TPR: variants seen among roughly 807,000 people sequenced by gnomAD.
TPR encodes translocated promoter region, nuclear basket protein.
A neutral mutation model predicts 316.1 loss-of-function variants in TPR; 51 were observed. The ratio of observed to expected loss-of-function variants is 0.16; its 90% CI spans 0.13 to 0.20. The LOEUF (loss-of-function observed/expected upper bound fraction) is 0.20, where lower values mean the gene tolerates loss of function less well. Ranked by LOEUF, TPR falls within the 10% of genes least tolerant of loss-of-function variation. The pLI is 1.00. For missense variants in TPR, 2,272 were observed against 2,754.8 expected, an observed-to-expected ratio of 0.82 and a Z score of 3.92; for synonymous variants, 981 against 914.7, an observed-to-expected ratio of 1.07 and a Z score of -1.31.
chr1:186,369,653 G>A (rs1488450559), intron 3 of TPR, among the ~76,000 whole-genome samples: 1 of 151,890 alleles, frequency 6.6e-6, no homozygotes, highest in African/African-American at 2.4e-5. Flanking sequence ...AATCTTTCAG[G>A]TTTTCTACAT....
chr1:186,336,436 T>C (rs1291246169), intron 33 of TPR, 60 bp downstream of exon 33: 4 of 1,513,912 alleles, frequency 2.6e-6, no homozygotes, highest in African/African-American at 2.7e-5. Context: ...CATTTAGTTT[T>C]AGGCCTGCAA....
chr1:186,359,779 AT>A lies in TPR; in HGVS notation c.1389+19del. 2 of 1,570,572 alleles carry A rather than the reference AT, an allele frequency of 1.3e-6. No individual in the cohort carries two copies. Among genetic ancestry groups the A allele is most frequent in the Non-Finnish European group, 1.7e-6 (2 of 1,167,956 alleles). On this transcript the variant is annotated intron_variant, in intron 12 of 50. Transcript: ENST00000367478. ...TCATTTGTATTGTTACCACGGCTAA[AT>A]TTTAGGAATGGAACCAACCTTCATA...
Position 186,355,667 on chromosome 1 carries a change from C to T in TPR, c.1990G>A (p.Glu664Lys), listed in dbSNP as rs979384899. Residue 664 changes from glutamate to lysine, a missense_variant, in exon 16 of 51, where the codon GAG becomes AAG. Transcript: ENST00000367478. ...AGGGCAGCCTTAGCCTCTATAGCCT[C>T]TGTTGATTCAATAACAGGTACTGGA... ...PAPVPVIESTEAIEAKAALKQ... is the reference protein window; with the variant it reads ...PAPVPVIESTKAIEAKAALKQ... 1.9e-6 allele frequency: 3 copies of T among 1,613,994 alleles called. No individual in the cohort carries two copies. Among genetic ancestry groups the T allele is most frequent in the Non-Finnish European group, 2.5e-6 (3 of 1,180,020 alleles).
intron 38 of TPR, 146 bp from the exon 39 acceptor site, chr1:186,331,727 TATA>T (rs1274462289): frequency 4.5e-6 from 2 of 441,966 alleles, no homozygotes; most frequent in African/African-American, 4.1e-5. Context: ...ATTTAAAAAT[TATA>T]ATCACATTCC....
Position 186,311,949 on chromosome 1 carries a change from T to G in TPR, c.*2022A>C. On this transcript the variant is annotated 3_prime_UTR_variant, in exon 51 of 51. Transcript: ENST00000367478. ...AGCACTTGTCACTTTCAATTGAAATTAAATATATAACTATGTAATTTGCTG... is the reference window on the plus strand; with the variant it reads ...AGCACTTGTCACTTTCAATTGAAATGAAATATATAACTATGTAATTTGCTG... 1 of 550,504 alleles carries G rather than the reference T, an allele frequency of 1.8e-6. No individual in the cohort carries two copies. Among genetic ancestry groups the G allele is most frequent in the East Asian group, 3.1e-5 (1 of 32,266 alleles). 34.1% of individuals were successfully genotyped at this position (550,504 alleles called of 1,614,324 possible).
chr1:186,323,672 A>T lies in TPR; in HGVS notation c.6297+14T>A, dbSNP rs916983384. The T allele has an allele frequency of 6.8e-7, 1 of 1,461,388 alleles. No individual in the cohort carries two copies. Among genetic ancestry groups the T allele is most frequent in the African/African-American group, 1.5e-5 (1 of 67,176 alleles). The allele number at this position is 1,461,388 out of a possible 1,614,324, so 90.5% of individuals were successfully genotyped here. On this transcript the variant is annotated intron_variant, in intron 43 of 50. Coordinates refer to ENST00000367478, the MANE Select transcript of TPR (RefSeq NM_003292.3). ...TTCAAGTTCATTTTTCATAATGACCAGTACTTTTAATACCTGAACTGGTGG... is the reference window on the plus strand; with the variant it reads ...TTCAAGTTCATTTTTCATAATGACCTGTACTTTTAATACCTGAACTGGTGG...
chr1:186,319,799 T>C (rs1657723167), intron 46 of TPR, among the ~76,000 whole-genome samples: 1 of 152,222 alleles, frequency 6.6e-6, no homozygotes, highest in Non-Finnish European at 1.5e-5. Context: ...ATAATTCACA[T>C]GTGGAAAACT....
At chr1:186,371,812 T>C (rs1004451381) in intron 2 of TPR, among the ~76,000 whole-genome samples, 8 of 152,190 alleles carry the variant, frequency 5.3e-5, no homozygotes, top group African/African-American at 1.9e-4. Flanking sequence ...GTTTTAATAT[T>C]ATTTACTGCT....
chr1:186,322,601 A>G lies in TPR; in HGVS notation c.6298-15T>C. On this transcript the variant is annotated splice_polypyrimidine_tract_variant and intron_variant, in intron 43 of 50. Transcript: ENST00000367478. ...ATCTGAATTCTCTGCGTGTCAAGAT[A>G]AAGGAATTACATTTGCTTTAAGAAA... 1.2e-6 allele frequency: 2 copies of G among 1,613,816 alleles called. No homozygotes were observed. Among genetic ancestry groups the G allele is most frequent in the East Asian group, 4.5e-5 (2 of 44,872 alleles).
At chr1:186,360,927 C>G (rs766307441) in intron 9 of TPR, 22 bp from the exon 10 acceptor site, 31 of 1,602,060 alleles carry the variant, frequency 1.9e-5, no homozygotes, top group Non-Finnish European at 2.6e-5. Flanking sequence ...TTTTAAAGAC[C>G]AAATATTCAA....
intron 30 of TPR, among the ~76,000 whole-genome samples, chr1:186,338,951 A>G (rs565662745): frequency 6.6e-6 from 1 of 152,320 alleles, no homozygotes; most frequent in Non-Finnish European, 1.5e-5. Flanking sequence ...TATAAAGAGA[A>G]TGTACGTATA....
At chr1:186,331,603 T>TG in intron 38 of TPR, 22 bp from the exon 39 acceptor site, 2 of 1,545,932 alleles carry the variant, frequency 1.3e-6, no homozygotes, top group Non-Finnish European at 1.8e-6. Flanking sequence ...TACACTAATA[T>TG]ATTAACCATA....
chr1:186,345,741 T>C, intron 23 of TPR, 45 bp from the exon 24 acceptor site: 1 of 1,389,734 alleles, frequency 7.2e-7, no homozygotes, highest in Non-Finnish European at 1.0e-6. Context: ...ATTGCAAACT[T>C]ACTTGGAAAA....
At chr1:186,318,327 CA>C (rs112634226) in intron 48 of TPR, 119 bp downstream of exon 48, 9,797 of 976,848 alleles carry the variant, frequency 0.01, no homozygotes, top group South Asian at 0.014. Context: ...GACTCTGTCT[CA>C]AAAAAAAAAA....
Position 186,312,319 on chromosome 1 carries a change from C to T in TPR, c.*1652G>A, listed in dbSNP as rs753287939. ...GAACGTGCTATAGGACCTTCTCAAA[C>T]ACACACCATCAGAATTCAATATTCA... is the stretch of plus-strand genomic sequence containing the variant. On this transcript the variant is annotated 3_prime_UTR_variant, in exon 51 of 51. Transcript: ENST00000367478. The T allele has an allele frequency of 6.2e-7, 1 of 1,611,502 alleles. No individual in the cohort carries two copies. The highest frequency in any genetic ancestry group is 8.5e-7 in the Non-Finnish European group (1 of 1,179,048).
Position 186,344,611 on chromosome 1 carries a change from G to T in TPR, c.3214-33C>A, listed in dbSNP as rs1366343059. The T allele has an allele frequency of 3.5e-6, 5 of 1,436,966 alleles. No homozygotes were observed. The Admixed American group carries it at 1.0e-4, about 29-fold the overall frequency. 89.0% of individuals were successfully genotyped at this position (1,436,966 alleles called of 1,614,324 possible). ...AAATTATTACCCAATTGATACCAAAGATTAAAAATCCATAAAACTAGTTAG... is the reference window on the plus strand; with the variant it reads ...AAATTATTACCCAATTGATACCAAATATTAAAAATCCATAAAACTAGTTAG... On this transcript the variant is annotated intron_variant, in intron 24 of 50. Transcript: ENST00000367478.
At position 186,312,035 on chromosome 1, in the gene TPR, T is replaced by C. The variant is rs1657284559; in HGVS notation, c.*1936A>G. 1 of 664,790 alleles carries C rather than the reference T, an allele frequency of 1.5e-6. No individual in the cohort carries two copies. Among genetic ancestry groups the C allele is most frequent in the Non-Finnish European group, 2.6e-6 (1 of 390,236 alleles). 41.2% of individuals were successfully genotyped at this position (664,790 alleles called of 1,614,324 possible). A position where few individuals can be genotyped will look rare whatever the true frequency, so the allele number is the denominator to read the frequency against. On this transcript the variant is annotated 3_prime_UTR_variant, in exon 51 of 51. Transcript: ENST00000367478. ...TTATTTTTATAATACCCTTGACTAATAGCCATTATTAATATCAATATATTA... is the reference window on the plus strand; with the variant it reads ...TTATTTTTATAATACCCTTGACTAACAGCCATTATTAATATCAATATATTA...
At chr1:186,329,274 T>C (rs1476717488) in intron 39 of TPR, among the ~76,000 whole-genome samples, 1 of 152,224 alleles carries the variant, frequency 6.6e-6, no homozygotes, top group Admixed American at 6.5e-5. Context: ...CAAATTGTTA[T>C]GTTCTTCAGA....
At chr1:186,324,001 G>T in intron 42 of TPR, 131 bp from the exon 43 acceptor site, 1 of 920,716 alleles carries the variant, frequency 1.1e-6, no homozygotes. Flanking sequence ...AAAGTAGTGA[G>T]GTGTGATGGA....
Sources: allele counts gnomAD v4.1 joint callset (sites outside exome capture counted in the v4.1 genomes callset), GRCh38; gene constraint gnomAD v4.1.1; transcripts MANE v1.5; gene names NCBI Gene and HGNC (gene_info 2026-07-23, HGNC 2026-07-21).